Variants in HEXB observed in about 807,000 individuals in gnomAD.
HEXB encodes the protein hexosaminidase subunit beta, also known as beta-hexosaminidase subunit beta.
In HEXB, 51 loss-of-function variants were observed where a neutral mutation model predicts 71.2. The ratio of observed to expected loss-of-function variants is 0.72; its 90% CI spans 0.57 to 0.90. The LOEUF (loss-of-function observed/expected upper bound fraction) is 0.90, where lower values mean the gene tolerates loss of function less well. Ranked by LOEUF, HEXB falls within the 40% of genes least tolerant of loss-of-function variation. The pLI is 0.00. For missense variants in HEXB, 617 were observed against 677.0 expected (o/e 0.91, Z 0.98); for synonymous variants, 266 against 249.3 (o/e 1.07, Z -0.63).
intron 1 of HEXB, among the ~76,000 whole-genome samples, chr5:74,668,351 C>T (rs535855249): frequency 2.0e-5 from 3 of 151,762 alleles, no homozygotes; most frequent in South Asian, 2.1e-4. Flanking sequence ...TCAGGACTGA[C>T]GGTGGAGGAG....
At chr5:74,653,117 AGTCAG>A (rs1748151797) in intron 1 of HEXB, among the ~76,000 whole-genome samples, 1 of 152,244 alleles carries the variant, frequency 6.6e-6, no homozygotes, top group Non-Finnish European at 1.5e-5. Context: ...TTATAAAAAG[AGTCAG>A]GTGGTTACAC....
At chr5:74,651,442 A>G (rs756539964) in intron 1 of HEXB, among the ~76,000 whole-genome samples, 2 of 152,218 alleles carry the variant, frequency 1.3e-5, no homozygotes, top group Non-Finnish European at 2.9e-5. Context: ...CCTTTGTTCT[A>G]TACTCGCTAA....
Position 74,720,720 on chromosome 5 carries a change from T to G in HEXB, c.1586T>G (p.Leu529Arg), listed in dbSNP as rs745454291. Residue 529 changes from leucine to arginine, a missense_variant, in exon 13 of 14, where the codon CTG (leucine) becomes CGG (arginine). Transcript: ENST00000261416. ...VRDMDDAYDR[L>R]TRHRCRMVER... is the part of the protein sequence containing the mutation. ...GATATGGATGACGCCTATGACAGAC[T>G]GACAAGGCACCGCTGCAGGATGGTC... The G allele has an allele frequency of 6.8e-6, 11 of 1,614,016 alleles. No homozygotes were observed. The highest frequency in any genetic ancestry group is 9.3e-6 in the Non-Finnish European group (11 of 1,179,846).
At chr5:74,712,402 C>T (rs571273830) in intron 6 of HEXB, among the ~76,000 whole-genome samples, 3 of 150,434 alleles carry the variant, frequency 2.0e-5, no homozygotes, top group African/African-American at 7.4e-5. Context: ...GCACATTGTG[C>T]ACATGTACCC....
chr5:74,714,151 A>T (rs1289408871), intron 7 of HEXB, among the ~76,000 whole-genome samples: 1 of 152,060 alleles, frequency 6.6e-6, no homozygotes, highest in Non-Finnish European at 1.5e-5. Flanking sequence ...TGTATTTTAT[A>T]AGTTGCAAAA....
chr5:74,664,423 C>G (rs1230366268), intron 1 of HEXB, among the ~76,000 whole-genome samples: 1 of 57,492 alleles, frequency 1.7e-5, no homozygotes, highest in African/African-American at 7.1e-5. Context: ...GAGCAAGATT[C>G]TATCTCTAAA....
At chr5:74,696,031 C>T (rs886544312) in intron 3 of HEXB, among the ~76,000 whole-genome samples, 1 of 151,986 alleles carries the variant, frequency 6.6e-6, no homozygotes, top group African/African-American at 2.4e-5. Flanking sequence ...CTGTACTTGA[C>T]GAGGTTGGAG....
At chr5:74,676,487 G>T (rs763060925) in intron 1 of HEXB, among the ~76,000 whole-genome samples, 2 of 152,228 alleles carry the variant, frequency 1.3e-5, no homozygotes, top group African/African-American at 4.8e-5. Flanking sequence ...GCAAGAAGGG[G>T]CTGGGTGCAG....
chr5:74,695,106 C>A (rs535915053), intron 3 of HEXB, among the ~76,000 whole-genome samples: 18 of 151,284 alleles, frequency 1.2e-4, no homozygotes, highest in African/African-American at 3.9e-4. Context: ...ATATTTACTA[C>A]AAATGTAATT....
At chr5:74,680,188 G>C (rs1748713389) in intron 1 of HEXB, among the ~76,000 whole-genome samples, 1 of 152,190 alleles carries the variant, frequency 6.6e-6, no homozygotes, top group South Asian at 2.1e-4. Context: ...AATCAGAACT[G>C]CCCACAAGGT....
intron 5 of HEXB, among the ~76,000 whole-genome samples, chr5:74,697,902 T>C (rs1020647536): frequency 6.6e-6 from 1 of 151,888 alleles, no homozygotes; most frequent in Admixed American, 6.6e-5. Flanking sequence ...AGGGGTGGTA[T>C]GGGTTAGGAA....
chr5:74,648,531 A>C (rs934247643), intron 1 of HEXB, among the ~76,000 whole-genome samples: 1 of 150,790 alleles, frequency 6.6e-6, no homozygotes, highest in African/African-American at 2.5e-5. Context: ...TTTACCCCAC[A>C]GTTATATTGC....
chr5:74,645,279 G>T (rs549470843), intron 1 of HEXB, among the ~76,000 whole-genome samples: 15 of 152,276 alleles, frequency 9.9e-5, no homozygotes, highest in African/African-American at 3.6e-4. Flanking sequence ...ATGGTTCACT[G>T]CAGCGTATAA....
At chr5:74,694,309 G>A (rs1324533312) in intron 3 of HEXB, among the ~76,000 whole-genome samples, 2 of 152,174 alleles carry the variant, frequency 1.3e-5, no homozygotes, top group South Asian at 4.1e-4. Context: ...GCCCCAACCT[G>A]TCCTGATTAG....
chr5:74,651,255 A>G (rs979067453), intron 1 of HEXB, among the ~76,000 whole-genome samples: 7 of 152,230 alleles, frequency 4.6e-5, no homozygotes, highest in Admixed American at 1.3e-4. Flanking sequence ...TTCAGCCTAA[A>G]CATGGGTTCT....
Position 74,685,628 on chromosome 5 carries a change from T to G in HEXB, c.299+69T>G, listed in dbSNP as rs980433066. 22 of 1,410,908 alleles carry G rather than the reference T, an allele frequency of 1.6e-5. No individual in the cohort carries two copies. The African/African-American group carries it at 2.1e-4, about 13-fold the overall frequency. 87.4% of individuals were successfully genotyped at this position (1,410,908 alleles called of 1,614,324 possible). On this transcript the variant is annotated intron_variant, in intron 1 of 13. Transcript: ENST00000261416. ...AGAGGCGGACCACCCCGGAGCGCTG[T>G]GCAGACCCTCACCACCCCACTGCGC...
rs1748145282 is a variant in HEXB at position 74,652,821 on chromosome 5, T to C, written c.-377+12263T>C. 6.6e-6 allele frequency among the ~76,000 whole-genome samples: 1 copy of C among 152,132 alleles called. No homozygotes were observed. The highest frequency in any genetic ancestry group is 2.4e-5 in the African/African-American group (1 of 41,432). ...AGGTGGCTACTCAGTCTTGTCTCAC[T>C]GCAGTCCCAGGCCCATCCCATAAGG... On this transcript the variant is annotated intron_variant, in intron 1 of 13. Transcript: ENST00000511181. The surrounding 1 kb of genome is among the most constrained non-coding windows in gnomAD (Gnocchi z 5.4).
intron 1 of HEXB, among the ~76,000 whole-genome samples, chr5:74,669,444 A>G (rs1252892424): frequency 3.3e-5 from 5 of 152,104 alleles, no homozygotes; most frequent in African/African-American, 1.2e-4. Context: ...TCTGGAATTA[A>G]TTTTGGGAGG....
At chr5:74,689,263 C>T in intron 1 of HEXB, 65 bp from the exon 2 acceptor site, 11 of 1,236,374 alleles carry the variant, frequency 8.9e-6, no homozygotes, top group Non-Finnish European at 1.3e-5. Flanking sequence ...ATGTTACTAG[C>T]ACATCTGTTT....
Sources: allele counts gnomAD v4.1 joint callset (sites outside exome capture counted in the v4.1 genomes callset), GRCh38; gene constraint gnomAD v4.1.1; non-coding constraint Gnocchi (gnomAD v3.1); transcripts MANE v1.5; gene names NCBI Gene and HGNC (gene_info 2026-07-23, HGNC 2026-07-21).